GAD1: variants seen among roughly 807,000 people sequenced by gnomAD.
GAD1 encodes the protein 67 kDa glutamic acid decarboxylase.
Under a neutral mutation model 75.2 loss-of-function variants are expected in GAD1, and 35 were observed. The ratio of observed to expected loss-of-function variants is 0.47; its 90% confidence interval spans 0.36 to 0.62. The LOEUF (loss-of-function observed/expected upper bound fraction) is 0.62, where lower values mean the gene tolerates loss of function less well. GAD1 is among the 20% of genes least tolerant of loss of function. The probability of loss-of-function intolerance (pLI) is 0.00; values close to 1 mark genes in which losing one functional copy is unlikely to be tolerated. For synonymous variants in GAD1, 257 were observed against 271.9 expected, an observed-to-expected ratio of 0.95 and a Z score of 0.54; for missense variants, 490 against 758.5, an observed-to-expected ratio of 0.65 and a Z score of 4.16.
At chr2:170,822,065 C>T (rs1225652638) in intron 2 of GAD1, 22 bp from the exon 3 acceptor site, 1 of 1,597,806 alleles carries the variant, frequency 6.3e-7, no homozygotes, top group Non-Finnish European at 8.5e-7. Flanking sequence ...AACCGAACCT[C>T]TCTCCCTCTC....
intron 11 of GAD1, chr2:170,848,701 T>C (rs1443559128): frequency 1.9e-6 from 1 of 518,744 alleles, no homozygotes; most frequent in African/African-American, 1.9e-5. Flanking sequence ...CTTCTCACAA[T>C]TGGCCAATAG....
intron 5 of GAD1, 131 bp downstream of exon 5, chr2:170,831,323 A>G (rs1296807866): frequency 2.0e-6 from 2 of 1,017,796 alleles, no homozygotes; most frequent in African/African-American, 3.1e-5. Context: ...CAAAGTACCC[A>G]GTGACCACAA....
intron 5 of GAD1, among the ~76,000 whole-genome samples, chr2:170,832,695 C>CAT (rs1553576676): frequency 3.3e-5 from 5 of 151,734 alleles, no homozygotes; most frequent in African/African-American, 9.7e-5. Context: ...CACACACACA[C>CAT]ATACACACAT....
intron 16 of GAD1, 115 bp downstream of exon 16, chr2:170,859,008 G>A (rs142230811): frequency 4.1e-6 from 4 of 970,126 alleles, no homozygotes; most frequent in Non-Finnish European, 6.5e-6. Flanking sequence ...AAGCCTTGGG[G>A]TGGGTTTCTA....
At chr2:170,847,498 A>G (rs1575442853) in intron 10 of GAD1, among the ~76,000 whole-genome samples, 178 bp from the exon 11 acceptor site, 1 of 152,246 alleles carries the variant, frequency 6.6e-6, no homozygotes, top group Non-Finnish European at 1.5e-5. Flanking sequence ...TGTTTGTTGA[A>G]TAAATGAATG....
chr2:170,843,343 AGTTGACCGTCTTCTT>A (rs1168143733), intron 6 of GAD1, among the ~76,000 whole-genome samples: 1 of 152,256 alleles, frequency 6.6e-6, no homozygotes, highest in Non-Finnish European at 1.5e-5. Flanking sequence ...TGTTTATGCC[AGTTGACCGTCTTCTT>A]GTTATTTATA....
At chr2:170,819,847 T>TG (rs1231399004) in intron 2 of GAD1, among the ~76,000 whole-genome samples, 1 of 152,162 alleles carries the variant, frequency 6.6e-6, no homozygotes, top group African/African-American at 2.4e-5. Flanking sequence ...ATCAATGAAG[T>TG]GGGGATTATT....
At chr2:170,819,865 A>G (rs2105752573) in intron 2 of GAD1, among the ~76,000 whole-genome samples, 1 of 152,318 alleles carries the variant, frequency 6.6e-6, no homozygotes, top group East Asian at 1.9e-4. Context: ...ATTACCGGAA[A>G]GCCCCTTTAG....
At chr2:170,836,572 G>A (rs1702381041) in intron 5 of GAD1, among the ~76,000 whole-genome samples, 2 of 152,150 alleles carry the variant, frequency 1.3e-5, no homozygotes, top group African/African-American at 2.4e-5. Flanking sequence ...TTAAAAGCAC[G>A]ATGCTTTAGA....
chr2:170,856,976 AG>A, intron 14 of GAD1, 41 bp from the exon 15 acceptor site: 1 of 1,500,470 alleles, frequency 6.7e-7, no homozygotes, highest in Non-Finnish European at 9.3e-7. Context: ...TGCTCATCAC[AG>A]GGAAATGCAA....
At chr2:170,820,760 C>T (rs1701855522) in intron 2 of GAD1, among the ~76,000 whole-genome samples, 1 of 152,198 alleles carries the variant, frequency 6.6e-6, no homozygotes, top group Non-Finnish European at 1.5e-5. Flanking sequence ...TGTGTCTGAA[C>T]TCCAACTTCC....
At chr2:170,813,619 C>A (rs536645566), upstream of GAD1, among the ~76,000 whole-genome samples, 1 of 152,366 alleles carries the variant, frequency 6.6e-6, no homozygotes, top group South Asian at 2.1e-4. Context: ...GCGTGAAGAT[C>A]TCCCCGCAGC....
chr2:170,817,237 C>CCCA (rs1553572127), intron 1 of GAD1, 189 bp downstream of exon 1: 1 of 125,796 alleles, frequency 7.9e-6, no homozygotes, highest in Non-Finnish European at 1.9e-5. Flanking sequence ...CCCCCCCCCC[C>CCCA]CGCCTCCCTC....
chr2:170,858,738 G>A, intron 15 of GAD1, 66 bp from the exon 16 acceptor site: 1 of 1,446,458 alleles, frequency 6.9e-7, no homozygotes, highest in Non-Finnish European at 9.7e-7. Context: ...GATGCATATT[G>A]GTTTGGGAAC....
At chr2:170,816,243 G>A (rs964863488), upstream of GAD1, 8 of 152,506 alleles carry the variant, frequency 5.2e-5, no homozygotes, top group South Asian at 4.1e-4. Context: ...GTGGCACTGG[G>A]TAGCTGTGGC....
At chr2:170,830,888 C>T (rs923884307) in intron 4 of GAD1, 62 bp from the exon 5 acceptor site, 114 of 1,609,962 alleles carry the variant, frequency 7.1e-5, no homozygotes, top group Non-Finnish European at 9.4e-5. Flanking sequence ...TTAGGGGTCT[C>T]TGGGCTGAAG....
At chr2:170,847,500 AAATG>A (rs879690733) in intron 10 of GAD1, among the ~76,000 whole-genome samples, 172 bp from the exon 11 acceptor site, 3 of 152,378 alleles carry the variant, frequency 2.0e-5, no homozygotes, top group Admixed American at 2.0e-4. Context: ...TTTGTTGAAT[AAATG>A]AATGAATGAG....
upstream of GAD1, chr2:170,816,516 G>A (rs1553571927): frequency 2.6e-5 from 4 of 152,192 alleles, no homozygotes; most frequent in Non-Finnish European, 5.9e-5. Context: ...AGGGGAAATG[G>A]GAGAGGGGAA....
intron 12 of GAD1, among the ~76,000 whole-genome samples, chr2:170,850,603 G>A (rs977301759): frequency 3.3e-5 from 5 of 152,200 alleles, no homozygotes; most frequent in Non-Finnish European, 5.9e-5. Context: ...CCACAGCCAG[G>A]ACTCTGGCTT....
Sources: gnomAD v4.1 joint callset for allele counts (sites outside exome capture counted in the v4.1 genomes callset) on GRCh38, gnomAD v4.1.1 for gene constraint, MANE v1.5 for transcripts, NCBI Gene and HGNC (gene_info 2026-07-23, HGNC 2026-07-21) for gene names.